Variants in RBFOX1 observed in about 807,000 individuals in gnomAD.
RBFOX1 encodes the protein RNA binding fox-1 homolog 1, also known as RNA binding protein fox-1 homolog 1.
RBFOX1 carries 8 observed loss-of-function variants against 57.7 expected under a neutral mutation model. That is an observed-to-expected ratio of 0.14 (90% CI 0.08 to 0.25). RBFOX1 has a LOEUF of 0.25. Ranked by LOEUF, RBFOX1 falls within the 10% of genes least tolerant of loss-of-function variation. RBFOX1 has a pLI of 1.00. For synonymous variants in RBFOX1, 326 were observed against 222.4 expected, an observed-to-expected ratio of 1.47 and a Z score of -4.15; for missense variants, 611 against 548.5, an observed-to-expected ratio of 1.11 and a Z score of -1.14.
intron 2 of RBFOX1, among the ~76,000 whole-genome samples, chr16:6,648,056 A>G (rs1371464398): frequency 6.6e-6 from 1 of 151,912 alleles, no homozygotes; most frequent in South Asian, 2.1e-4. Context: ...TTGCCCAGAC[A>G]GGTCTCAAAC....
intron 4 of RBFOX1, among the ~76,000 whole-genome samples, chr16:7,438,881 C>G (rs1002168886): frequency 3.3e-5 from 5 of 152,142 alleles, no homozygotes; most frequent in African/African-American, 7.2e-5. Flanking sequence ...GCTGAGTGAT[C>G]TATACTGCAT....
intron 1 of RBFOX1, among the ~76,000 whole-genome samples, chr16:5,445,841 A>C (rs545163462): frequency 2.6e-5 from 4 of 152,220 alleles, no homozygotes; most frequent in Non-Finnish European, 5.9e-5. Context: ...ACAAGCGAAG[A>C]AGTTCTGTCG....
Position 5,670,692 on chromosome 16 carries a change from T to A in RBFOX1, c.318+71731T>A, listed in dbSNP as rs141373532. ...AACTGCTAGGCACCTCACAGGGTTA[T>A]CCTTCTTACTAGTTCAACTGTTAGA... is the stretch of plus-strand genomic sequence containing the variant. On this transcript the variant is annotated intron_variant, in intron 3 of 19. Coordinates refer to the RBFOX1 transcript ENST00000641259. Among the ~76,000 whole-genome samples, 1,048 of 152,372 alleles carry A rather than the reference T, an allele frequency of 6.9e-3. 5 individuals carry two copies. The highest frequency in any genetic ancestry group is 0.012 in the Non-Finnish European group (844 of 68,038).
intron 3 of RBFOX1, among the ~76,000 whole-genome samples, chr16:5,700,271 TA>T (rs60030143): frequency 7.2e-5 from 11 of 152,350 alleles, no homozygotes; most frequent in Non-Finnish European, 1.3e-4. Flanking sequence ...TCATTATCTT[TA>T]TTCAAAAGCC....
chr16:5,527,297 G>A lies in RBFOX1; in HGVS notation c.258+60043G>A, dbSNP rs1182649377. Among the ~76,000 whole-genome samples, 3 of 152,288 alleles carry A rather than the reference G, an allele frequency of 2.0e-5. No individual in the cohort carries two copies. The East Asian group carries it at 5.8e-4, about 29-fold the overall frequency. ...CAGCTTGCCCACAAGGAAGCTGCTT[G>A]TACACAAGGACACCTACCTGCAAGG... On this transcript the variant is annotated intron_variant, in intron 2 of 2. Transcript: ENST00000585867.
chr16:7,649,983 G>A (rs371857293), intron 11 of RBFOX1, among the ~76,000 whole-genome samples: 2 of 93,286 alleles, frequency 2.1e-5, no homozygotes, highest in East Asian at 4.7e-4. Flanking sequence ...AGGAAGAAGA[G>A]CGAGGGGAGA....
At chr16:7,668,717 A>C (rs944887096) in intron 13 of RBFOX1, among the ~76,000 whole-genome samples, 1 of 152,210 alleles carries the variant, frequency 6.6e-6, no homozygotes, top group South Asian at 2.1e-4. Flanking sequence ...TTTAATTTTC[A>C]TAATGAAACA....
intron 2 of RBFOX1, among the ~76,000 whole-genome samples, chr16:6,526,448 A>T (rs1288088878): frequency 6.6e-6 from 1 of 152,200 alleles, no homozygotes; most frequent in Non-Finnish European, 1.5e-5. Context: ...ATTGCTGTAG[A>T]AGGCGGTCAT....
intron 3 of RBFOX1, among the ~76,000 whole-genome samples, chr16:6,700,210 G>C (rs895117933): frequency 1.3e-5 from 2 of 152,118 alleles, no homozygotes; most frequent in Non-Finnish European, 2.9e-5. Context: ...AGAGGAACGT[G>C]AGAAGTGTAC....
chr16:7,141,911 T>G (rs1341449814), intron 4 of RBFOX1, among the ~76,000 whole-genome samples: 2 of 152,152 alleles, frequency 1.3e-5, no homozygotes, highest in South Asian at 2.1e-4. Context: ...CATAAATCTG[T>G]CATGTCAGTC....
intron 3 of RBFOX1, among the ~76,000 whole-genome samples, chr16:5,831,327 C>G (rs778741448): frequency 6.6e-6 from 1 of 152,096 alleles, no homozygotes; most frequent in South Asian, 2.1e-4. Context: ...GCCATTCTCT[C>G]TATCTTGCTC....
chr16:6,959,356 C>T (rs184335293), intron 3 of RBFOX1, among the ~76,000 whole-genome samples: 7 of 152,240 alleles, frequency 4.6e-5, no homozygotes, highest in African/African-American at 9.6e-5. Flanking sequence ...ATCTGATAAC[C>T]GTCACATTTG....
At chr16:5,909,951 GC>G (rs1288162291) in intron 4 of RBFOX1, among the ~76,000 whole-genome samples, 1 of 152,126 alleles carries the variant, frequency 6.6e-6, no homozygotes, top group Non-Finnish European at 1.5e-5. Flanking sequence ...TACTCAGGAG[GC>G]TAAGGCAGGA....
intron 3 of RBFOX1, among the ~76,000 whole-genome samples, chr16:5,830,406 C>T (rs2151825413): frequency 6.6e-6 from 1 of 150,574 alleles, no homozygotes; most frequent in East Asian, 2.0e-4. Context: ...TTTCTGTAAA[C>T]ATGAATGTGA....
intron 4 of RBFOX1, among the ~76,000 whole-genome samples, chr16:7,089,496 TA>T (rs1367888625): frequency 2.0e-5 from 3 of 152,228 alleles, no homozygotes; most frequent in Admixed American, 2.0e-4. Context: ...TTTTGGCTTT[TA>T]TTTTGTGAAC....
At chr16:7,615,334 AAATAAT>A (rs900721016) in intron 10 of RBFOX1, among the ~76,000 whole-genome samples, 7 of 55,082 alleles carry the variant, frequency 1.3e-4, no homozygotes, top group African/African-American at 2.8e-4. Context: ...CTCCATCTCA[AAATAAT>A]AATAATAATA....
intron 2 of RBFOX1, among the ~76,000 whole-genome samples, chr16:5,486,296 G>T (rs529824539): frequency 6.6e-6 from 1 of 152,330 alleles, no homozygotes; most frequent in African/African-American, 2.4e-5. Flanking sequence ...AGAACATTTG[G>T]TGGGAAGGAC....
intron 1 of RBFOX1, among the ~76,000 whole-genome samples, chr16:6,254,846 C>G (rs192003710): frequency 6.6e-6 from 1 of 152,110 alleles, no homozygotes; most frequent in African/African-American, 2.4e-5. Context: ...CTTTCCTGCC[C>G]TGTTCTCTGG....
chr16:6,868,387 A>G (rs989405649), intron 3 of RBFOX1, among the ~76,000 whole-genome samples: 1 of 152,166 alleles, frequency 6.6e-6, no homozygotes, highest in Non-Finnish European at 1.5e-5. Flanking sequence ...AATTTCTGTA[A>G]GTTTTCTTTT....
Sources: gnomAD v4.1 joint callset for allele counts (sites outside exome capture counted in the v4.1 genomes callset) on GRCh38, gnomAD v4.1.1 for gene constraint, MANE v1.5 for transcripts, NCBI Gene and HGNC (gene_info 2026-07-23, HGNC 2026-07-21) for gene names.